Variants in CNTNAP2 observed in about 807,000 individuals in gnomAD.
The protein encoded by CNTNAP2 is contactin-associated protein-like 2.
CNTNAP2 carries 98 observed loss-of-function variants against 155.2 expected under a neutral mutation model. That is an observed-to-expected ratio of 0.63 (90% CI 0.54 to 0.75). The LOEUF is 0.75. Ranked by LOEUF, CNTNAP2 falls within the 30% of genes least tolerant of loss-of-function variation. The pLI, the probability that CNTNAP2 is intolerant of heterozygous loss-of-function variation, is 0.00. For synonymous variants in CNTNAP2, 651 were observed against 631.2 expected, an observed-to-expected ratio of 1.03 and a Z score of -0.47; for missense variants, 1,727 against 1,688.1, an observed-to-expected ratio of 1.02 and a Z score of -0.40.
chr7:148,229,547 G>C (rs1213296069), intron 19 of CNTNAP2, 99 bp from the exon 20 acceptor site: 8 of 1,446,106 alleles, frequency 5.5e-6, no homozygotes, highest in Non-Finnish European at 9.6e-7. Flanking sequence ...AGAAAAGAAA[G>C]GAAGAAAGAA....
chr7:146,328,220 T>G (rs939426569), intron 1 of CNTNAP2, among the ~76,000 whole-genome samples: 4 of 152,152 alleles, frequency 2.6e-5, no homozygotes, highest in African/African-American at 9.7e-5. Context: ...GCACTCCTTA[T>G]GAGAATCTAA....
At chr7:147,567,598 T>C (rs1053840704) in intron 12 of CNTNAP2, among the ~76,000 whole-genome samples, 1 of 151,194 alleles carries the variant, frequency 6.6e-6, no homozygotes, top group Non-Finnish European at 1.5e-5. Flanking sequence ...AGAAGAGGAG[T>C]TGGCCAGACC....
intron 1 of CNTNAP2, among the ~76,000 whole-genome samples, chr7:146,309,280 C>T (rs966110973): frequency 3.3e-5 from 5 of 152,036 alleles, no homozygotes; most frequent in Non-Finnish European, 4.4e-5. Context: ...ACGGTGCTCT[C>T]GGGCTGCCAT....
intron 15 of CNTNAP2, among the ~76,000 whole-genome samples, chr7:148,013,502 G>GAGTTTATT (rs1802118770): frequency 6.6e-6 from 1 of 152,144 alleles, no homozygotes; most frequent in Non-Finnish European, 1.5e-5. Context: ...CAGAAGAAAA[G>GAGTTTATT]AGTTTATTAT....
chr7:146,588,226 T>C (rs997443124), intron 1 of CNTNAP2, among the ~76,000 whole-genome samples: 2 of 152,180 alleles, frequency 1.3e-5, no homozygotes, highest in African/African-American at 4.8e-5. Context: ...TTAAGTATTC[T>C]GAATTTTCTT....
At chr7:148,318,269 G>T (rs2116531211) in intron 21 of CNTNAP2, among the ~76,000 whole-genome samples, 1 of 152,280 alleles carries the variant, frequency 6.6e-6, no homozygotes. Context: ...CTGCAGAGAA[G>T]TCACCCGGCT....
chr7:147,148,606 C>T (rs1001815680), intron 8 of CNTNAP2, among the ~76,000 whole-genome samples: 2 of 152,086 alleles, frequency 1.3e-5, no homozygotes, highest in Non-Finnish European at 2.9e-5. Context: ...TTAAAGATGG[C>T]GTGTCCAGAG....
intron 9 of CNTNAP2, among the ~76,000 whole-genome samples, chr7:147,325,871 CT>C (rs1257747254): frequency 7.9e-5 from 12 of 152,168 alleles, no homozygotes; most frequent in Admixed American, 3.3e-4. Context: ...TCATTAAAAA[CT>C]AACTCCCTAT....
chr7:147,742,356 A>T (rs1184429092), intron 13 of CNTNAP2, among the ~76,000 whole-genome samples: 1 of 152,210 alleles, frequency 6.6e-6, no homozygotes, highest in Non-Finnish European at 1.5e-5. Context: ...CTTGTCTTTT[A>T]TTATAATAGC....
intron 4 of CNTNAP2, among the ~76,000 whole-genome samples, chr7:147,047,424 C>CT (rs1030630624): frequency 1.3e-5 from 2 of 151,370 alleles, no homozygotes; most frequent in African/African-American, 2.4e-5. Context: ...ATACGTATAC[C>CT]TTTTTTTTAA....
chr7:146,346,444 G>T (rs926155641), intron 1 of CNTNAP2, among the ~76,000 whole-genome samples: 5 of 152,170 alleles, frequency 3.3e-5, no homozygotes, highest in African/African-American at 1.2e-4. Flanking sequence ...CACTTTGGGA[G>T]GCTAAGGTGG....
At chr7:146,119,084 T>C (rs1447163441) in intron 1 of CNTNAP2, among the ~76,000 whole-genome samples, 2 of 148,992 alleles carry the variant, frequency 1.3e-5, no homozygotes, top group Admixed American at 6.7e-5. Context: ...TGAAGAAAAG[T>C]ATGATAGTTA....
chr7:147,103,841 C>T lies in CNTNAP2; in HGVS notation c.551-4306C>T, dbSNP rs79982855. ...ATAATGCAGTCTAGTCCTAAGAAAA[C>T]GTCAGACAAATCCAAACTGAGAAAG... On this transcript the variant is annotated intron_variant, in intron 4 of 23. Transcript: ENST00000361727. 5.3e-4 allele frequency among the ~76,000 whole-genome samples: 80 copies of T among 152,008 alleles called. 1 individual carries two copies. Among genetic ancestry groups the T allele is most frequent in the African/African-American group, 1.6e-3 (68 of 41,510 alleles).
At chr7:148,022,858 G>A (rs1359295848) in intron 15 of CNTNAP2, among the ~76,000 whole-genome samples, 1 of 152,062 alleles carries the variant, frequency 6.6e-6, no homozygotes, top group Non-Finnish European at 1.5e-5. Flanking sequence ...CAGACCTTTC[G>A]AAGCCCGATT....
At chr7:148,093,814 A>T (rs1803902641) in intron 15 of CNTNAP2, among the ~76,000 whole-genome samples, 1 of 152,156 alleles carries the variant, frequency 6.6e-6, no homozygotes, top group South Asian at 2.1e-4. Context: ...TCACTCTGTC[A>T]CCCAGGCTGG....
At chr7:147,848,245 C>A (rs1371099113) in intron 13 of CNTNAP2, among the ~76,000 whole-genome samples, 2 of 146,684 alleles carry the variant, frequency 1.4e-5, no homozygotes, top group Admixed American at 1.4e-4. Flanking sequence ...TAGCAATCAG[C>A]GAGATTCCGT....
chr7:146,636,781 C>T (rs1337996114), intron 1 of CNTNAP2, among the ~76,000 whole-genome samples: 6 of 152,136 alleles, frequency 3.9e-5, no homozygotes, highest in African/African-American at 1.2e-4. Context: ...ACATTGAGAC[C>T]CTGCTCTGGC....
At chr7:148,202,721 AG>A (rs926818221) in intron 18 of CNTNAP2, among the ~76,000 whole-genome samples, 3 of 152,162 alleles carry the variant, frequency 2.0e-5, no homozygotes, top group African/African-American at 7.2e-5. Flanking sequence ...TAGAAGACAA[AG>A]GGGGATCTGG....
At chr7:148,039,483 A>G (rs1802630359) in intron 15 of CNTNAP2, among the ~76,000 whole-genome samples, 1 of 152,094 alleles carries the variant, frequency 6.6e-6, no homozygotes, top group South Asian at 2.1e-4. Flanking sequence ...CTCTCCAGGT[A>G]TTTCTTAATC....
Sources: gnomAD v4.1 joint callset for allele counts (sites outside exome capture counted in the v4.1 genomes callset) on GRCh38, gnomAD v4.1.1 for gene constraint, MANE v1.5 for transcripts, NCBI Gene and HGNC (gene_info 2026-07-23, HGNC 2026-07-21) for gene names.